The following TNNI3K variants were observed in gnomAD, a reference collection of about 807,000 sequenced individuals.
The protein encoded by TNNI3K is TNNI3 interacting kinase.
A neutral mutation model predicts 114.5 loss-of-function variants in TNNI3K; 140 were observed. The ratio of observed to expected loss-of-function variants is 1.22; its 90% CI spans 1.07 to 1.41. TNNI3K has a LOEUF of 1.41. TNNI3K is among the 40% of genes most tolerant of loss of function. The pLI is 0.00. For synonymous variants in TNNI3K, 347 were observed against 347.5 expected, an observed-to-expected ratio of 1.00 and a Z score of 0.02; for missense variants, 1,125 against 1,007.6, an observed-to-expected ratio of 1.12 and a Z score of -1.58.
At chr1:74,383,461 A>T (rs1485131965) in intron 17 of TNNI3K, among the ~76,000 whole-genome samples, 3 of 151,462 alleles carry the variant, frequency 2.0e-5, no homozygotes, top group African/African-American at 7.3e-5. Flanking sequence ...GCCCCTCCTC[A>T]CACTTTCTCC....
intron 2 of TNNI3K, chr1:74,240,586 A>C (rs1388091053): frequency 6.6e-6 from 1 of 152,168 alleles, no homozygotes; most frequent in African/African-American, 2.4e-5. Flanking sequence ...AAACTATGGA[A>C]GTGATGGCTC....
chr1:74,255,821 T>C (rs1655252454), intron 4 of TNNI3K, among the ~76,000 whole-genome samples: 1 of 152,210 alleles, frequency 6.6e-6, no homozygotes, highest in Non-Finnish European at 1.5e-5. Flanking sequence ...AACAAGTGTT[T>C]TCTGTCACTA....
At chr1:74,356,840 A>G (rs927382822) in intron 11 of TNNI3K, among the ~76,000 whole-genome samples, 1 of 152,172 alleles carries the variant, frequency 6.6e-6, no homozygotes, top group African/African-American at 2.4e-5. Flanking sequence ...TGTATTTGTC[A>G]CTGTATTTGT....
At position 74,543,064 on chromosome 1, in the gene TNNI3K, C is replaced by CTTTTTT. The variant is rs60688934; in HGVS notation, c.2432-818_2432-813dup. 1.6e-3 allele frequency among the ~76,000 whole-genome samples: 11 copies of CTTTTTT among 6,756 alleles called. 1 individual carries two copies. The highest frequency in any genetic ancestry group is 3.8e-3 in the African/African-American group (9 of 2,374). The allele number at this position is 6,756 out of a possible 152,430, so 4.4% of individuals were successfully genotyped here. A position where few individuals can be genotyped will look rare whatever the true frequency, so the allele number is the denominator to read the frequency against. On this transcript the variant is annotated intron_variant, in intron 24 of 24. Transcript: ENST00000326637. ...CTTTTCCTTTTCTTTTTCTTTTTCC[C>CTTTTTT]TTTTTTTTTTTTTTTTTTTTTTTTT... is the stretch of plus-strand genomic sequence containing the variant.
intron 24 of TNNI3K, among the ~76,000 whole-genome samples, chr1:74,541,763 G>A (rs1403293564): frequency 2.0e-5 from 3 of 152,132 alleles, no homozygotes; most frequent in Non-Finnish European, 4.4e-5. Flanking sequence ...AAACATGGAG[G>A]GTGTTTGGAT....
At chr1:74,523,935 C>A (rs1264895099) in intron 23 of TNNI3K, among the ~76,000 whole-genome samples, 1 of 152,100 alleles carries the variant, frequency 6.6e-6, no homozygotes, top group Admixed American at 6.6e-5. Context: ...TCCCCCCACC[C>A]CCGACAGGCC....
chr1:74,436,032 T>C (rs1280054178), intron 17 of TNNI3K, 48 bp from the exon 18 acceptor site: 5 of 1,584,010 alleles, frequency 3.2e-6, no homozygotes, highest in Admixed American at 3.6e-5. Context: ...GATTAGGACA[T>C]AGCAAAGCTT....
chr1:74,433,840 C>T (rs1666003679), intron 17 of TNNI3K, among the ~76,000 whole-genome samples: 1 of 152,022 alleles, frequency 6.6e-6, no homozygotes, highest in Non-Finnish European at 1.5e-5. Context: ...CAAAAGTTGC[C>T]AGGTTTTCTG....
In TNNI3K at chr1:74,249,477, T is replaced by C; in HGVS notation, c.168T>C (p.Ser56=). The C allele has an allele frequency of 6.2e-7, 1 of 1,613,650 alleles. No homozygotes were observed. Among genetic ancestry groups the C allele is most frequent in the Middle Eastern group, 1.7e-4 (1 of 6,054 alleles). The change falls in exon 3 of 25, where the codon AGT becomes AGC. Residue 56 remains serine, a synonymous_variant. Coordinates refer to ENST00000326637, the MANE Select transcript of TNNI3K (RefSeq NM_015978.3). ...TTTTCAGCTCTGATGAAGCCTTCAGTAAAGTCAATTTAAATTACCGCACTG... is the reference window on the plus strand; with the variant it reads ...TTTTCAGCTCTGATGAAGCCTTCAGCAAAGTCAATTTAAATTACCGCACTG... ...RNIFGSDEAF[S]KVNLNYRTEN...
At chr1:74,517,830 T>A (rs1247882177) in intron 23 of TNNI3K, among the ~76,000 whole-genome samples, 4 of 152,174 alleles carry the variant, frequency 2.6e-5, no homozygotes, top group Non-Finnish European at 4.4e-5. Flanking sequence ...AGGCAAAAAC[T>A]GCTGGGCCCA....
At chr1:74,290,720 T>C (rs1657627044) in intron 5 of TNNI3K, among the ~76,000 whole-genome samples, 1 of 151,882 alleles carries the variant, frequency 6.6e-6, no homozygotes, top group South Asian at 2.1e-4. Flanking sequence ...TTTTAGTTTT[T>C]CTTATTACTA....
chr1:74,421,495 T>C (rs1665393256), intron 17 of TNNI3K, among the ~76,000 whole-genome samples: 1 of 152,132 alleles, frequency 6.6e-6, no homozygotes, highest in African/African-American at 2.4e-5. Context: ...TTGAGGTAAT[T>C]TTTTAAAAAA....
intron 20 of TNNI3K, among the ~76,000 whole-genome samples, chr1:74,462,224 A>T (rs147055773): frequency 1.3e-5 from 2 of 152,216 alleles, no homozygotes; most frequent in African/African-American, 4.8e-5. Context: ...ATCACATTGC[A>T]TATAATTTCA....
At chr1:74,299,835 T>A (rs1350137386) in intron 5 of TNNI3K, among the ~76,000 whole-genome samples, 1 of 152,134 alleles carries the variant, frequency 6.6e-6, no homozygotes, top group Non-Finnish European at 1.5e-5. Flanking sequence ...ATGAAGATAT[T>A]TGTATGTTAT....
chr1:74,328,280 T>C (rs1660019391), intron 5 of TNNI3K, among the ~76,000 whole-genome samples: 1 of 152,112 alleles, frequency 6.6e-6, no homozygotes, highest in Non-Finnish European at 1.5e-5. Context: ...GAGTTTCATG[T>C]AGTGGAAAGA....
chr1:74,322,108 T>A (rs1659642508), intron 5 of TNNI3K, among the ~76,000 whole-genome samples: 2 of 152,190 alleles, frequency 1.3e-5, no homozygotes, highest in Admixed American at 1.3e-4. Flanking sequence ...TACAAATGGG[T>A]AAACAATTCC....
intron 11 of TNNI3K, among the ~76,000 whole-genome samples, chr1:74,364,241 A>G (rs1557522078): frequency 1.3e-5 from 2 of 151,698 alleles, no homozygotes; most frequent in Admixed American, 6.6e-5. Context: ...CTGGCCTCAA[A>G]CAATCCCTCC....
At chr1:74,267,176 T>C (rs1009605115) in intron 4 of TNNI3K, among the ~76,000 whole-genome samples, 3 of 151,984 alleles carry the variant, frequency 2.0e-5, no homozygotes, top group Non-Finnish European at 4.4e-5. Flanking sequence ...TTCTTATATA[T>C]GGTAAACTGC....
At chr1:74,480,080 G>T in intron 21 of TNNI3K, 1 of 637,054 alleles carries the variant, frequency 1.6e-6, no homozygotes. Flanking sequence ...TCTGAGATAA[G>T]CATCACTTAG....
Sources: allele counts gnomAD v4.1 joint callset (sites outside exome capture counted in the v4.1 genomes callset), GRCh38; gene constraint gnomAD v4.1.1; transcripts MANE v1.5; gene names NCBI Gene and HGNC (gene_info 2026-07-23, HGNC 2026-07-21).